TMEM233: variants seen among roughly 807,000 people sequenced by gnomAD.
The protein encoded by TMEM233 is dispanin subfamily B member 2.
Under a neutral mutation model 11.2 loss-of-function variants are expected in TMEM233, and 6 were observed. The ratio of observed to expected loss-of-function variants is 0.54; its 90% CI spans 0.29 to 1.06. The LOEUF is 1.06. Among genes scored for constraint, TMEM233 ranks in the 50% least tolerant of loss-of-function variants. The pLI is 0.08. For missense variants in TMEM233, 127 were observed against 144.7 expected (o/e 0.88, Z 0.63); for synonymous variants, 59 against 55.8 (o/e 1.06, Z -0.26).
chr12:119,639,041 A>G lies in TMEM233; in HGVS notation c.324-1658A>G, dbSNP rs986333189. 2.0e-5 allele frequency among the ~76,000 whole-genome samples: 3 copies of G among 152,122 alleles called. No homozygotes were observed. In the South Asian group the frequency reaches 6.3e-4, roughly 32 times the overall value. ...GCCACATCAGAGTCCTCTCTGAGCA[A>G]TGCAAGCATATTCCTGCCTCAGGGC... On this transcript the variant is annotated intron_variant, in intron 2 of 2. Transcript: ENST00000426426.
the TMEM233 span, among the ~76,000 whole-genome samples, chr12:119,648,955 G>C: frequency 1.6e-4 from 25 of 152,242 alleles, no homozygotes; most frequent in Admixed American, 1.6e-3. Flanking sequence ...TGATGGTTTA[G>C]AAAAAGGAAG....
chr12:119,637,097 T>C (rs751923192), intron 2 of TMEM233, among the ~76,000 whole-genome samples: 2 of 152,234 alleles, frequency 1.3e-5, no homozygotes, highest in African/African-American at 2.4e-5. Context: ...CTCATGATCA[T>C]TGAGCGGGGC....
At chr12:119,627,544 C>A (rs536110122) in intron 1 of TMEM233, among the ~76,000 whole-genome samples, 51 of 152,080 alleles carry the variant, frequency 3.4e-4, no homozygotes, top group African/African-American at 1.1e-3. Context: ...AGAGAGAGAG[C>A]AAGAGAACGA....
chr12:119,635,595 T>C (rs1013345292), intron 2 of TMEM233, among the ~76,000 whole-genome samples: 2 of 152,206 alleles, frequency 1.3e-5, no homozygotes, highest in Admixed American at 6.5e-5. Context: ...AGGTATTCTG[T>C]AATTTAGCCC....
chr12:119,639,605 G>A (rs1040048258), intron 2 of TMEM233, among the ~76,000 whole-genome samples: 1 of 151,780 alleles, frequency 6.6e-6, no homozygotes, highest in Non-Finnish European at 1.5e-5. Flanking sequence ...CTGGGCAACA[G>A]AGCGAGACTC....
chr12:119,640,683 T>G lies in TMEM233; in HGVS notation c.324-16T>G. 6.5e-7 allele frequency: 1 copy of G among 1,550,236 alleles called. No homozygotes were observed. The highest frequency in any genetic ancestry group is 8.7e-7 in the Non-Finnish European group (1 of 1,146,908). ...CCCACGGTCTTTCTCTCTCTCTCTC[T>G]GTCTGTACCACACAGTGCCTGAGGA... On this transcript the variant is annotated splice_polypyrimidine_tract_variant and intron_variant, in intron 2 of 2. Transcript: ENST00000426426.
chr12:119,597,202 T>A (rs974135372), intron 1 of TMEM233, among the ~76,000 whole-genome samples: 3 of 152,206 alleles, frequency 2.0e-5, no homozygotes, highest in Non-Finnish European at 4.4e-5. Context: ...TCTTGTGATG[T>A]TCAGTCCTGG....
At chr12:119,597,811 T>C (rs1954078259) in intron 1 of TMEM233, among the ~76,000 whole-genome samples, 1 of 152,232 alleles carries the variant, frequency 6.6e-6, no homozygotes, top group Non-Finnish European at 1.5e-5. Context: ...TGAAAGTCTG[T>C]TTATTGAAAG....
chr12:119,618,574 A>C (rs1258605831), intron 1 of TMEM233, among the ~76,000 whole-genome samples: 1 of 152,228 alleles, frequency 6.6e-6, no homozygotes, highest in African/African-American at 2.4e-5. Context: ...CATCAGTGTG[A>C]CCTGGATGTG....
downstream of TMEM233, among the ~76,000 whole-genome samples, chr12:119,643,473 A>C (rs1180245627): frequency 6.6e-6 from 1 of 152,250 alleles, no homozygotes; most frequent in Non-Finnish European, 1.5e-5. Flanking sequence ...AGCACAGTTT[A>C]AAAAGAGATT....
At chr12:119,606,041 A>G (rs1954273134) in intron 1 of TMEM233, among the ~76,000 whole-genome samples, 2 of 152,218 alleles carry the variant, frequency 1.3e-5, no homozygotes, top group African/African-American at 4.8e-5. Context: ...CACGACTTTT[A>G]GGTGTAGAAA....
chr12:119,628,404 AC>A (rs1266377607), intron 1 of TMEM233, among the ~76,000 whole-genome samples: 1 of 148,088 alleles, frequency 6.8e-6, no homozygotes, highest in Non-Finnish European at 1.5e-5. Flanking sequence ...CAGGTGATCC[AC>A]CTGCCTCGAC....
At chr12:119,611,230 T>C (rs1043749846) in intron 1 of TMEM233, among the ~76,000 whole-genome samples, 1 of 152,104 alleles carries the variant, frequency 6.6e-6, no homozygotes, top group Non-Finnish European at 1.5e-5. Flanking sequence ...TAACAATATG[T>C]TTAACTTGTT....
intron 1 of TMEM233, among the ~76,000 whole-genome samples, chr12:119,607,353 C>T (rs868437535): frequency 2.0e-5 from 3 of 152,082 alleles, no homozygotes; most frequent in African/African-American, 7.2e-5. Flanking sequence ...GTGGCGCAAT[C>T]GGTTAGCGCG....
intron 1 of TMEM233, among the ~76,000 whole-genome samples, chr12:119,616,897 A>T (rs773752660): frequency 2.0e-5 from 3 of 152,150 alleles, no homozygotes; most frequent in Non-Finnish European, 4.4e-5. Context: ...GTGAAGAAGG[A>T]CATGTTTACT....
intron 1 of TMEM233, among the ~76,000 whole-genome samples, chr12:119,612,352 C>T (rs1046778443): frequency 6.6e-6 from 1 of 152,098 alleles, no homozygotes; most frequent in Non-Finnish European, 1.5e-5. Context: ...CAGTGACTCA[C>T]ACCTGTAATC....
At chr12:119,616,713 G>A (rs929389882) in intron 1 of TMEM233, among the ~76,000 whole-genome samples, 6 of 152,168 alleles carry the variant, frequency 3.9e-5, no homozygotes, top group Non-Finnish European at 5.9e-5. Flanking sequence ...TTGAATTGTA[G>A]CTCCCATAAT....
At chr12:119,647,533 G>A (rs1792670276), downstream of TMEM233, among the ~76,000 whole-genome samples, 1 of 152,138 alleles carries the variant, frequency 6.6e-6, no homozygotes, top group Non-Finnish European at 1.5e-5. Flanking sequence ...TAGTGCCAGC[G>A]AGTCTGTTCT....
chr12:119,593,793 C>A lies in TMEM233; in HGVS notation c.-56C>A, dbSNP rs1953963565. 5 of 1,518,628 alleles carry A rather than the reference C, an allele frequency of 3.3e-6. No individual in the cohort carries two copies. Among genetic ancestry groups the A allele is most frequent in the Non-Finnish European group, 4.4e-6 (5 of 1,126,672 alleles). 94.1% of individuals were successfully genotyped at this position (1,518,628 alleles called of 1,614,324 possible). ...CTCGCCACAAGCCGGCGGCCAGAGCCCCAGACCACACAGACCGTGCGCTCC... is the reference window on the plus strand; with the variant it reads ...CTCGCCACAAGCCGGCGGCCAGAGCACCAGACCACACAGACCGTGCGCTCC... On this transcript the variant is annotated 5_prime_UTR_variant, in exon 1 of 3. Coordinates refer to ENST00000426426, the MANE Select transcript of TMEM233 (RefSeq NM_001136534.3). The surrounding 1 kb of genome is among the most constrained non-coding windows in gnomAD (Gnocchi z 4.1).
Sources: allele counts gnomAD v4.1 joint callset (sites outside exome capture counted in the v4.1 genomes callset), GRCh38; gene constraint gnomAD v4.1.1; non-coding constraint Gnocchi (gnomAD v3.1); transcripts MANE v1.5; gene names NCBI Gene and HGNC (gene_info 2026-07-23, HGNC 2026-07-21).